The following PAK5 variants were observed in gnomAD, a reference collection of about 807,000 sequenced individuals.
PAK5 encodes the protein serine/threonine-protein kinase PAK 5.
PAK5 carries 16 observed loss-of-function variants against 65.9 expected under a neutral mutation model. That is an observed-to-expected ratio of 0.24 (90% CI 0.16 to 0.37). PAK5 has a LOEUF of 0.37. Ranked by LOEUF, PAK5 falls within the 10% of genes least tolerant of loss-of-function variation. The pLI is 1.00. For missense variants in PAK5, 785 were observed against 903.9 expected, an observed-to-expected ratio of 0.87 and a Z score of 1.69; for synonymous variants, 371 against 354.9, an observed-to-expected ratio of 1.05 and a Z score of -0.51.
chr20:9,692,214 C>T (rs1050707731), intron 2 of PAK5, among the ~76,000 whole-genome samples: 6 of 152,170 alleles, frequency 3.9e-5, no homozygotes, highest in African/African-American at 1.4e-4. Flanking sequence ...TCATCAGTAT[C>T]GCTTCTAACT....
chr20:9,641,757 C>G (rs563202514), intron 3 of PAK5, among the ~76,000 whole-genome samples: 2 of 152,090 alleles, frequency 1.3e-5, no homozygotes, highest in Admixed American at 6.5e-5. Context: ...TAAGGCCCGG[C>G]GAGAAATCGA....
chr20:9,643,370 G>A (rs996038300), intron 3 of PAK5, among the ~76,000 whole-genome samples: 2 of 152,138 alleles, frequency 1.3e-5, no homozygotes, highest in East Asian at 1.9e-4. Context: ...GATTTTCTTT[G>A]TAGTAACTTG....
At chr20:9,791,784 C>T (rs1401035364) in intron 1 of PAK5, among the ~76,000 whole-genome samples, 1 of 152,106 alleles carries the variant, frequency 6.6e-6, no homozygotes, top group Non-Finnish European at 1.5e-5. Flanking sequence ...CGGTGGGTGA[C>T]CCATGAGCCT....
At chr20:9,827,261 G>A (rs1041675373) in intron 1 of PAK5, among the ~76,000 whole-genome samples, 5 of 152,186 alleles carry the variant, frequency 3.3e-5, no homozygotes, top group African/African-American at 2.4e-5. Context: ...CTGAGTTGCT[G>A]TATACCACAG....
intron 2 of PAK5, among the ~76,000 whole-genome samples, chr20:9,698,991 T>A (rs2047904782): frequency 6.6e-6 from 1 of 152,204 alleles, no homozygotes; most frequent in Admixed American, 6.5e-5. Context: ...GATTCTGAGT[T>A]ATTTCCATGT....
chr20:9,811,104 T>C (rs2123754833), intron 1 of PAK5, among the ~76,000 whole-genome samples: 1 of 152,342 alleles, frequency 6.6e-6, no homozygotes, highest in East Asian at 1.9e-4. Context: ...TACTTGAATA[T>C]CTATTTAATG....
chr20:9,829,703 G>A (rs931220658), intron 1 of PAK5, among the ~76,000 whole-genome samples: 1 of 152,040 alleles, frequency 6.6e-6, no homozygotes, highest in Non-Finnish European at 1.5e-5. Flanking sequence ...GAGTACAAAA[G>A]GAGTCCCACA....
At chr20:9,792,760 C>T (rs117423348) in intron 1 of PAK5, among the ~76,000 whole-genome samples, 570 of 152,198 alleles carry the variant, frequency 3.7e-3, no homozygotes, top group Middle Eastern at 0.014. Flanking sequence ...TAGTATTCTC[C>T]AGCAGCAGAA....
intron 2 of PAK5, among the ~76,000 whole-genome samples, chr20:9,648,593 C>CT (rs1382602747): frequency 6.6e-6 from 1 of 151,956 alleles, no homozygotes; most frequent in Non-Finnish European, 1.5e-5. Context: ...TGCAAATAGG[C>CT]TTTTTTTCTA....
At chr20:9,542,499 G>T in intron 9 of PAK5, 87 bp downstream of exon 9, 1 of 1,273,746 alleles carries the variant, frequency 7.9e-7, no homozygotes, top group Non-Finnish European at 1.1e-6. Flanking sequence ...CTTCCTGCTG[G>T]ATGTGGTAAG....
chr20:9,592,864 T>C (rs1320052118), intron 3 of PAK5, among the ~76,000 whole-genome samples: 1 of 152,146 alleles, frequency 6.6e-6, no homozygotes, highest in East Asian at 1.9e-4. Context: ...ACAGGTGTTG[T>C]GGGATGTGGC....
intron 2 of PAK5, among the ~76,000 whole-genome samples, chr20:9,696,951 G>C (rs1260282180): frequency 6.6e-6 from 1 of 152,014 alleles, no homozygotes; most frequent in Non-Finnish European, 1.5e-5. Context: ...AACATTTGTT[G>C]AATGAATGAA....
intron 3 of PAK5, among the ~76,000 whole-genome samples, chr20:9,620,811 G>T (rs550325521): frequency 1.9e-4 from 29 of 152,056 alleles, no homozygotes; most frequent in Non-Finnish European, 3.8e-4. Flanking sequence ...CCTGCATGAC[G>T]CCATCAGTCC....
chr20:9,694,253 T>C (rs1334181253), intron 2 of PAK5, among the ~76,000 whole-genome samples: 1 of 151,962 alleles, frequency 6.6e-6, no homozygotes, highest in Non-Finnish European at 1.5e-5. Flanking sequence ...CGAAAGTCTA[T>C]ATTATTTTTA....
chr20:9,763,600 C>G (rs1052647349), intron 1 of PAK5, among the ~76,000 whole-genome samples: 1 of 151,876 alleles, frequency 6.6e-6, no homozygotes, highest in African/African-American at 2.4e-5. Flanking sequence ...GATTAAGCAA[C>G]AGAATGAAGT....
rs201007922 is a variant in PAK5, at chr20:9,766,356, AATAT to A, written c.-161-54925_-161-54922del. 8.1e-3 allele frequency among the ~76,000 whole-genome samples: 343 copies of A among 42,108 alleles called. 53 individuals carry two copies. Among genetic ancestry groups the A allele is most frequent in the Middle Eastern group, 0.024 (1 of 42 alleles). 27.6% of individuals were successfully genotyped at this position (42,108 alleles called of 152,430 possible). On this transcript the variant is annotated intron_variant, in intron 1 of 9. Coordinates refer to ENST00000353224, the MANE Select transcript of PAK5 (RefSeq NM_177990.4). Reference sequence around the variant, plus strand: ...TGAATATATATATTCTACTTACTTGAATATATATATATATTCAAGCAGAATATAT... The same window carrying A: ...TGAATATATATATTCTACTTACTTGAATATATATATTCAAGCAGAATATAT...
chr20:9,590,236 C>T (rs898525109), intron 3 of PAK5, among the ~76,000 whole-genome samples: 1 of 152,100 alleles, frequency 6.6e-6, no homozygotes. Context: ...TCCTGAAGTG[C>T]TGGGATTACA....
chr20:9,652,728 TAGAA>T (rs760805548), intron 2 of PAK5, among the ~76,000 whole-genome samples: 1 of 152,216 alleles, frequency 6.6e-6, no homozygotes, highest in Non-Finnish European at 1.5e-5. Context: ...TCAACAGGTG[TAGAA>T]ACAGCTGTAA....
In PAK5 at chr20:9,562,096, C is replaced by G. The variant is rs2122974187; in HGVS notation, c.1616+795G>C. Among the ~76,000 whole-genome samples, 4 of 152,316 alleles carry G rather than the reference C, an allele frequency of 2.6e-5. No individual in the cohort carries two copies. The Middle Eastern group carries it at 0.01, about 389-fold the overall frequency. On this transcript the variant is annotated intron_variant, in intron 6 of 9. Transcript: ENST00000353224. ...CCTTCTTAGTGAACTCCTATTCGCT[C>G]TCAAAATCCATCTCAGATGTCACCT...
Sources: allele counts gnomAD v4.1 joint callset (sites outside exome capture counted in the v4.1 genomes callset), GRCh38; gene constraint gnomAD v4.1.1; transcripts MANE v1.5; gene names NCBI Gene and HGNC (gene_info 2026-07-23, HGNC 2026-07-21).